The following ZFPM2 variants were observed in gnomAD, a reference collection of about 807,000 sequenced individuals.
The protein encoded by ZFPM2 is zinc finger protein, FOG family member 2.
A neutral mutation model predicts 98.6 loss-of-function variants in ZFPM2; 20 were observed. The ratio of observed to expected loss-of-function variants is 0.20; its 90% CI spans 0.14 to 0.29. The LOEUF is 0.29. Among genes scored for constraint, ZFPM2 ranks in the 10% least tolerant of loss-of-function variants. ZFPM2 has a pLI of 1.00. For synonymous variants in ZFPM2, 518 were observed against 502.7 expected (o/e 1.03, Z -0.41); for missense variants, 1,310 against 1,388.6 (o/e 0.94, Z 0.90).
chr8:105,690,806 A>G (rs1250561949), intron 5 of ZFPM2: 1 of 152,202 alleles, frequency 6.6e-6, no homozygotes, highest in African/African-American at 2.4e-5. Context: ...CTCCGTTGCC[A>G]TCTACCAATC....
At chr8:105,703,367 A>G (rs1340678981) in intron 5 of ZFPM2, among the ~76,000 whole-genome samples, 1 of 152,180 alleles carries the variant, frequency 6.6e-6, no homozygotes, top group Non-Finnish European at 1.5e-5. Context: ...TACTGGGGAG[A>G]AAATCCGTAT....
At chr8:105,508,573 G>A (rs1813748597) in intron 3 of ZFPM2, among the ~76,000 whole-genome samples, 1 of 152,130 alleles carries the variant, frequency 6.6e-6, no homozygotes, top group Non-Finnish European at 1.5e-5. Flanking sequence ...TCCCTTGTCA[G>A]TGACAAGGTA....
At chr8:105,465,425 A>G (rs1433651356) in intron 3 of ZFPM2, among the ~76,000 whole-genome samples, 3 of 151,986 alleles carry the variant, frequency 2.0e-5, no homozygotes, top group Non-Finnish European at 4.4e-5. Flanking sequence ...AGAAGGTTGC[A>G]TAATTTTTAC....
intron 3 of ZFPM2, among the ~76,000 whole-genome samples, chr8:105,539,655 A>G (rs1814534967): frequency 6.6e-6 from 1 of 152,176 alleles, no homozygotes; most frequent in African/African-American, 2.4e-5. Context: ...AGGCTGGAGG[A>G]AAGAACCTTG....
At chr8:105,661,345 T>G (rs897101711) in intron 5 of ZFPM2, among the ~76,000 whole-genome samples, 1 of 152,152 alleles carries the variant, frequency 6.6e-6, no homozygotes, top group Non-Finnish European at 1.5e-5. Flanking sequence ...TCAGTTTTAT[T>G]CAATGAAGAA....
At chr8:105,644,542 A>C (rs1817006011) in intron 5 of ZFPM2, among the ~76,000 whole-genome samples, 1 of 149,196 alleles carries the variant, frequency 6.7e-6, no homozygotes, top group African/African-American at 2.5e-5. Context: ...CGCTCCCCAT[A>C]CCCCCATCAC....
chr8:105,498,541 G>A lies in ZFPM2; in HGVS notation c.301+54160G>A, dbSNP rs1813522674. Among the ~76,000 whole-genome samples, 4 of 152,256 alleles carry A rather than the reference G, an allele frequency of 2.6e-5. No individual in the cohort carries two copies. In the South Asian group the frequency reaches 8.3e-4, roughly 32 times the overall value. On this transcript the variant is annotated intron_variant, in intron 3 of 7. Coordinates refer to ENST00000407775, the MANE Select transcript of ZFPM2 (RefSeq NM_012082.4). ...TAGCAATTATTTTGTAGTTTACTTA[G>A]TAGCTGTCTCCCCTTTGCTTTGAAT...
At chr8:105,549,031 A>G (rs560793722) in intron 3 of ZFPM2, among the ~76,000 whole-genome samples, 3 of 152,298 alleles carry the variant, frequency 2.0e-5, no homozygotes, top group South Asian at 4.1e-4. Flanking sequence ...GGGCTATTGT[A>G]GGTCTATTGA....
chr8:105,708,735 T>G (rs1280229176), intron 5 of ZFPM2, among the ~76,000 whole-genome samples: 6 of 152,314 alleles, frequency 3.9e-5, no homozygotes, highest in Non-Finnish European at 7.3e-5. Flanking sequence ...TGAGTCACCG[T>G]GCCTGGCCTA....
chr8:105,550,423 T>C (rs1025963639), intron 3 of ZFPM2, among the ~76,000 whole-genome samples: 5 of 152,166 alleles, frequency 3.3e-5, no homozygotes, highest in African/African-American at 9.7e-5. Flanking sequence ...AAAACCAGAA[T>C]TGGAGTCCTG....
chr8:105,744,741 C>G (rs953095130), intron 5 of ZFPM2, among the ~76,000 whole-genome samples: 9 of 151,686 alleles, frequency 5.9e-5, no homozygotes, highest in African/African-American at 1.9e-4. Flanking sequence ...GCCGGAAAAA[C>G]AGCATGTGCA....
At chr8:105,608,878 A>T (rs888116066) in intron 4 of ZFPM2, among the ~76,000 whole-genome samples, 3 of 152,080 alleles carry the variant, frequency 2.0e-5, no homozygotes, top group African/African-American at 7.2e-5. Flanking sequence ...GTGATTCATG[A>T]ACATTAACTA....
chr8:105,690,397 G>T (rs893976523), intron 5 of ZFPM2, among the ~76,000 whole-genome samples: 1 of 152,086 alleles, frequency 6.6e-6, no homozygotes, highest in Non-Finnish European at 1.5e-5. Flanking sequence ...ATTGACCATC[G>T]GGGCCAAACC....
intron 3 of ZFPM2, among the ~76,000 whole-genome samples, chr8:105,456,726 G>A (rs1392794009): frequency 6.6e-6 from 1 of 152,178 alleles, no homozygotes; most frequent in Non-Finnish European, 1.5e-5. Flanking sequence ...AGGCTGGAGT[G>A]CAGTGGCATG....
chr8:105,799,353 A>G (rs1813931900), intron 7 of ZFPM2, among the ~76,000 whole-genome samples: 1 of 152,188 alleles, frequency 6.6e-6, no homozygotes, highest in African/African-American at 2.4e-5. Flanking sequence ...GTGTGTGCTG[A>G]ATTGAAATAA....
At chr8:105,760,820 A>C (rs1208810843) in intron 5 of ZFPM2, among the ~76,000 whole-genome samples, 1 of 152,040 alleles carries the variant, frequency 6.6e-6, no homozygotes, top group Non-Finnish European at 1.5e-5. Flanking sequence ...TTATGTCTGA[A>C]TCACACTACC....
At chr8:105,549,566 C>CCTTA (rs1180079531) in intron 3 of ZFPM2, among the ~76,000 whole-genome samples, 4 of 135,528 alleles carry the variant, frequency 3.0e-5, no homozygotes, top group Non-Finnish European at 6.3e-5. Context: ...TTCCTTTCTT[C>CCTTA]CTTCCATCCT....
At chr8:105,800,936 A>G in intron 7 of ZFPM2, 111 bp from the exon 8 acceptor site, 1 of 1,030,922 alleles carries the variant, frequency 9.7e-7, no homozygotes, top group Non-Finnish European at 1.4e-6. Context: ...TGAAATTTTG[A>G]AAGATTTCAT....
intron 5 of ZFPM2, among the ~76,000 whole-genome samples, chr8:105,778,323 G>A (rs1300638736): frequency 6.6e-6 from 1 of 151,922 alleles, no homozygotes; most frequent in Non-Finnish European, 1.5e-5. Context: ...TCACTTCTCA[G>A]TTATGAAAAA....
Sources: gnomAD v4.1 joint callset for allele counts (sites outside exome capture counted in the v4.1 genomes callset) on GRCh38, gnomAD v4.1.1 for gene constraint, MANE v1.5 for transcripts, NCBI Gene and HGNC (gene_info 2026-07-23, HGNC 2026-07-21) for gene names.